The following SP100 variants were observed in gnomAD, a reference collection of about 807,000 sequenced individuals.
SP100 encodes nuclear autoantigen Sp-100.
SP100 carries 84 observed loss-of-function variants against 130.0 expected under a neutral mutation model. The observed-to-expected ratio is 0.65, with a 90% CI of 0.54 to 0.77. SP100 has a LOEUF of 0.77. Among genes scored for constraint, SP100 ranks in the 30% least tolerant of loss-of-function variants. The pLI, the probability that SP100 is intolerant of heterozygous loss-of-function variation, is 0.00. For synonymous variants in SP100, 331 were observed against 351.7 expected (o/e 0.94, Z 0.66); for missense variants, 978 against 1,052.2 (o/e 0.93, Z 0.97).
rs549107427 is a variant in SP100 at position 230,500,437 on chromosome 2, G to T, written c.1720+1902G>T. On this transcript the variant is annotated intron_variant, in intron 19 of 28. Coordinates refer to ENST00000340126, the MANE Select transcript of SP100 (RefSeq NM_001080391.2). ...GCTTCTGGTGTTTTGCCCTGAAGTT[G>T]TTTGCCCTCAATAGGTTTTGATTGA... is the stretch of plus-strand genomic sequence containing the variant. Among the ~76,000 whole-genome samples the T allele has an allele frequency of 2.0e-5, 3 of 152,298 alleles. No individual in the cohort carries two copies. In the South Asian group the frequency reaches 6.2e-4, roughly 32 times the overall value.
intron 19 of SP100, among the ~76,000 whole-genome samples, chr2:230,500,137 G>GA (rs1191154920): frequency 5.3e-5 from 8 of 151,722 alleles, no homozygotes; most frequent in Admixed American, 5.2e-4. Context: ...TCCCTGCTAT[G>GA]AAAAAATATA....
At position 230,525,848 on chromosome 2, in the gene SP100, G is replaced by A. The variant is rs753178639; in HGVS notation, c.2095-13419G>A. 3.3e-5 allele frequency among the ~76,000 whole-genome samples: 5 copies of A among 152,098 alleles called. No individual in the cohort carries two copies. The South Asian group carries it at 1.0e-3, about 31-fold the overall frequency. ...ATGCTGCAGATTGGTGGGGGGAGGG[G>A]CACCCACCATTGCTAAGGCTTGAGT... On this transcript the variant is annotated intron_variant, in intron 24 of 28. Transcript: ENST00000340126.
At position 230,522,476 on chromosome 2, in the gene SP100, CT is replaced by C. The variant is rs750389091; in HGVS notation, c.2094+11332del. ...TTTAGTGCTCTTTGGCCCCAGTGTTCTTTTTTTTTTTTTTTTTTTTTTGAGA... is the reference window on the plus strand; with the variant it reads ...TTTAGTGCTCTTTGGCCCCAGTGTTCTTTTTTTTTTTTTTTTTTTTTGAGA... On this transcript the variant is annotated intron_variant, in intron 24 of 28. Coordinates refer to ENST00000340126, the MANE Select transcript of SP100 (RefSeq NM_001080391.2). 1.0e-3 allele frequency among the ~76,000 whole-genome samples: 83 copies of C among 82,120 alleles called. No homozygotes were observed. The East Asian group carries it at 0.011, about 11-fold the overall frequency. The allele number at this position is 82,120 out of a possible 152,430, so 53.9% of individuals were successfully genotyped here.
rs765226416 is a variant in SP100 at position 230,506,465 on chromosome 2, C to T, written c.2013+20C>T. On this transcript the variant is annotated intron_variant, in intron 22 of 28. Coordinates refer to ENST00000340126, the MANE Select transcript of SP100 (RefSeq NM_001080391.2). ...ATGGAGGTATTCTAGTGACAGATGG[C>T]TGAAACCAAGGATTTAGCTGTCATG... 1 of 1,611,712 alleles carries T rather than the reference C, an allele frequency of 6.2e-7. No individual in the cohort carries two copies. Among genetic ancestry groups the T allele is most frequent in the East Asian group, 2.2e-5 (1 of 44,832 alleles).
chr2:230,452,701 T>G (rs1335952917), intron 8 of SP100, among the ~76,000 whole-genome samples: 1 of 152,182 alleles, frequency 6.6e-6, no homozygotes, highest in East Asian at 1.9e-4. Context: ...GTAAATTGGA[T>G]TGTTTTCTTG....
In SP100 at chr2:230,417,641, C is replaced by T. The variant is rs377302763; in HGVS notation, c.83C>T (p.Pro28Leu). ...GTAGCAAATGAGATGAACCATCTTC[C>T]TGCACACAGCCACGATTTGCAAAGG... ...SPVANEMNHLPAHSHDLQRMF... is the reference protein window; with the variant it reads ...SPVANEMNHLLAHSHDLQRMF... Residue 28 changes from proline (P) to leucine (L), a missense_variant, in exon 2 of 29, where the codon CCT (proline) becomes CTT (leucine). By Grantham distance (98) the Pro-to-Leu change is moderately conservative. Transcript: ENST00000340126. 8 of 1,612,816 alleles carry T rather than the reference C, an allele frequency of 5.0e-6. No homozygotes were observed. The African/African-American group carries it at 9.3e-5, about 19-fold the overall frequency.
chr2:230,523,780 G>A (rs1231387724), intron 24 of SP100, among the ~76,000 whole-genome samples: 1 of 151,806 alleles, frequency 6.6e-6, no homozygotes, highest in Non-Finnish European at 1.5e-5. Flanking sequence ...ATGGTGGCGG[G>A]TGCCTATAAT....
chr2:230,462,612 C>A (rs777137470), intron 10 of SP100, 94 bp downstream of exon 10: 6 of 910,070 alleles, frequency 6.6e-6, no homozygotes, highest in Non-Finnish European at 9.1e-6. Flanking sequence ...TCATTCTGTA[C>A]AATGGATCCA....
At chr2:230,539,452 T>A in intron 25 of SP100, 70 bp downstream of exon 25, 1 of 1,029,808 alleles carries the variant, frequency 9.7e-7, no homozygotes, top group Non-Finnish European at 1.5e-6. Context: ...CACTCATGAG[T>A]ACTCTGCAGA....
intron 24 of SP100, among the ~76,000 whole-genome samples, chr2:230,527,393 C>T (rs1019763298): frequency 6.6e-6 from 1 of 152,284 alleles, no homozygotes; most frequent in Admixed American, 6.5e-5. Flanking sequence ...TTTGTCACCA[C>T]CAGGCTAGCC....
At chr2:230,502,428 A>G (rs2067087566) in intron 19 of SP100, among the ~76,000 whole-genome samples, 1 of 152,216 alleles carries the variant, frequency 6.6e-6, no homozygotes, top group Non-Finnish European at 1.5e-5. Context: ...TCTTTCCCAA[A>G]GAAAATTGTC....
At chr2:230,502,005 A>AT (rs1267460100) in intron 19 of SP100, among the ~76,000 whole-genome samples, 1 of 149,196 alleles carries the variant, frequency 6.7e-6, no homozygotes, top group Non-Finnish European at 1.5e-5. Flanking sequence ...AGTAGCTGGG[A>AT]TTACAGGCAC....
chr2:230,526,760 G>A (rs946538485), intron 24 of SP100, among the ~76,000 whole-genome samples: 4 of 152,156 alleles, frequency 2.6e-5, no homozygotes, highest in African/African-American at 4.8e-5. Context: ...ACCATGGCAC[G>A]AGAACTTCAT....
chr2:230,443,611 A>T (rs6750712), intron 3 of SP100, among the ~76,000 whole-genome samples: 24,970 of 152,152 alleles, frequency 0.16, 2,196 homozygotes, highest in Non-Finnish European at 0.19. Context: ...TTTCTCCAAC[A>T]CATTTGTTTT....
intron 19 of SP100, among the ~76,000 whole-genome samples, chr2:230,498,851 T>G (rs1407014506): frequency 6.6e-6 from 1 of 152,182 alleles, no homozygotes; most frequent in Admixed American, 6.5e-5. Flanking sequence ...CCTATGTAAT[T>G]CACAAGTGAT....
intron 14 of SP100, 78 bp downstream of exon 14, chr2:230,469,174 TC>T: frequency 2.2e-6 from 2 of 910,716 alleles, no homozygotes; most frequent in East Asian, 4.9e-5. Context: ...TTATGTTATA[TC>T]CTTTAAAATA....
intron 24 of SP100, among the ~76,000 whole-genome samples, chr2:230,517,028 G>C (rs556271141): frequency 3.3e-5 from 5 of 151,824 alleles, no homozygotes; most frequent in African/African-American, 1.2e-4. Flanking sequence ...TATAATTTGG[G>C]GAACATTTTA....
intron 20 of SP100, 101 bp from the exon 21 acceptor site, chr2:230,504,085 A>G (rs2067188191): frequency 1.6e-6 from 1 of 639,900 alleles, no homozygotes; most frequent in African/African-American, 1.8e-5. Context: ...AATACCTCCA[A>G]TACATTTTGA....
In SP100 at chr2:230,522,476, C is replaced by CTTTTTTTTTTT. The variant is rs750389091; in HGVS notation, c.2094+11322_2094+11332dup. Among the ~76,000 whole-genome samples, 20 of 82,126 alleles carry CTTTTTTTTTTT rather than the reference C, an allele frequency of 2.4e-4. 4 individuals are homozygous for CTTTTTTTTTTT. Among genetic ancestry groups the CTTTTTTTTTTT allele is most frequent in the East Asian group, 3.7e-4 (1 of 2,686 alleles). The allele number at this position is 82,126 out of a possible 152,430, so 53.9% of individuals were successfully genotyped here. On this transcript the variant is annotated intron_variant, in intron 24 of 28. Transcript: ENST00000340126. ...TTTAGTGCTCTTTGGCCCCAGTGTT[C>CTTTTTTTTTTT]TTTTTTTTTTTTTTTTTTTTTTGAG... is the stretch of plus-strand genomic sequence containing the variant.
Sources: gnomAD v4.1 joint callset for allele counts (sites outside exome capture counted in the v4.1 genomes callset) on GRCh38, gnomAD v4.1.1 for gene constraint, MANE v1.5 for transcripts, NCBI Gene and HGNC (gene_info 2026-07-23, HGNC 2026-07-21) for gene names.